Variants in PACRG observed in about 807,000 individuals in gnomAD.
PACRG encodes parkin coregulated gene protein.
PACRG carries 29 observed loss-of-function variants against 29.7 expected under a neutral mutation model. That is an observed-to-expected ratio of 0.98 (90% CI 0.73 to 1.33). The LOEUF (loss-of-function observed/expected upper bound fraction) is 1.33, where lower values mean the gene tolerates loss of function less well. PACRG is among the 40% of genes most tolerant of loss of function. The probability of loss-of-function intolerance (pLI) is 0.00; values close to 1 mark genes in which losing one functional copy is unlikely to be tolerated. For synonymous variants in PACRG, 116 were observed against 118.7 expected, an observed-to-expected ratio of 0.98 and a Z score of 0.15; for missense variants, 279 against 316.2, an observed-to-expected ratio of 0.88 and a Z score of 0.89.
At chr6:163,087,583 G>A (rs935942179) in intron 3 of PACRG, among the ~76,000 whole-genome samples, 1 of 149,634 alleles carries the variant, frequency 6.7e-6, no homozygotes, top group Admixed American at 6.6e-5. Context: ...TGGAGACCAG[G>A]ACCAGGGGAG....
intron 2 of PACRG, among the ~76,000 whole-genome samples, chr6:162,963,912 A>G (rs1800830546): frequency 6.6e-6 from 1 of 152,130 alleles, no homozygotes; most frequent in Non-Finnish European, 1.5e-5. Flanking sequence ...TTCTAGCACT[A>G]TTTTAACCTA....
rs116005890 is a variant in PACRG, at chr6:163,293,259, A to G, written c.614-21568A>G. Among the ~76,000 whole-genome samples, 1,052 of 152,346 alleles carry G rather than the reference A, an allele frequency of 6.9e-3. 15 individuals are homozygous for G. The highest frequency in any genetic ancestry group is 0.025 in the African/African-American group (1,019 of 41,564). On this transcript the variant is annotated intron_variant, in intron 4 of 4. Coordinates refer to ENST00000366888, the MANE Select transcript of PACRG (RefSeq NM_001080379.2). Reference sequence around the variant, plus strand: ...AGCAGTGCCTTAAATCCTTCCTGGCAGGGATGGCAGCATTGCATGCACATG... The same window carrying G: ...AGCAGTGCCTTAAATCCTTCCTGGCGGGGATGGCAGCATTGCATGCACATG...
intron 4 of PACRG, chr6:163,166,236 T>G (rs1340259903): frequency 4.4e-6 from 2 of 455,840 alleles, no homozygotes; most frequent in Non-Finnish European, 8.8e-6. Flanking sequence ...GCTCTCCTCT[T>G]TGACTGTTTT....
rs567525189 is a variant in PACRG, at chr6:162,792,467, A to G, written c.157-21680A>G. 1.2e-4 allele frequency among the ~76,000 whole-genome samples: 18 copies of G among 152,260 alleles called. No homozygotes were observed. The East Asian group carries it at 3.3e-3, about 28-fold the overall frequency. Reference sequence around the variant, plus strand: ...AGTCTGGAATTTTGGAGTGGCTGCAATTATTTGTCAGAAACCTGGCTGGCC... The same window carrying G: ...AGTCTGGAATTTTGGAGTGGCTGCAGTTATTTGTCAGAAACCTGGCTGGCC... On this transcript the variant is annotated intron_variant, in intron 1 of 4. Transcript: ENST00000366888.
At chr6:162,847,544 AG>A (rs1354573760) in intron 2 of PACRG, among the ~76,000 whole-genome samples, 1 of 150,922 alleles carries the variant, frequency 6.6e-6, no homozygotes, top group African/African-American at 2.4e-5. Flanking sequence ...TGAATGGATA[AG>A]GGGCCTCAGT....
intron 2 of PACRG, among the ~76,000 whole-genome samples, chr6:162,912,019 T>C (rs1294213386): frequency 1.3e-5 from 2 of 152,170 alleles, no homozygotes; most frequent in Non-Finnish European, 2.9e-5. Flanking sequence ...CCAAACAAAA[T>C]GGTGGCCAGA....
At chr6:162,825,872 C>T (rs1788227941) in intron 2 of PACRG, among the ~76,000 whole-genome samples, 1 of 152,164 alleles carries the variant, frequency 6.6e-6, no homozygotes, top group Non-Finnish European at 1.5e-5. Flanking sequence ...ATTTGAGTTT[C>T]CCTTTCATTT....
intron 2 of PACRG, among the ~76,000 whole-genome samples, chr6:163,008,610 C>T (rs1350902328): frequency 4.7e-5 from 7 of 149,344 alleles, no homozygotes; most frequent in East Asian, 1.9e-4. Flanking sequence ...TCAAGCCCAA[C>T]GGAAAGCTTT....
chr6:162,764,856 G>C (rs1782657567), intron 1 of PACRG, among the ~76,000 whole-genome samples: 1 of 151,124 alleles, frequency 6.6e-6, no homozygotes, highest in Non-Finnish European at 1.5e-5. Flanking sequence ...CGTTTCTCCT[G>C]CCTCAGCCTC....
At chr6:163,028,249 A>G (rs1807331253) in intron 2 of PACRG, among the ~76,000 whole-genome samples, 1 of 152,192 alleles carries the variant, frequency 6.6e-6, no homozygotes, top group African/African-American at 2.4e-5. Context: ...ATCCTATAAG[A>G]TCATCTGTTA....
intron 4 of PACRG, among the ~76,000 whole-genome samples, chr6:163,249,721 T>C (rs1782830442): frequency 6.6e-6 from 1 of 152,208 alleles, no homozygotes; most frequent in Non-Finnish European, 1.5e-5. Flanking sequence ...GCAGCAGAAG[T>C]TGACTGTGAA....
intron 1 of PACRG, among the ~76,000 whole-genome samples, chr6:162,797,118 A>G (rs1233665470): frequency 6.6e-6 from 1 of 152,198 alleles, no homozygotes; most frequent in Non-Finnish European, 1.5e-5. Flanking sequence ...CTCTACTAAA[A>G]ATACAAAAAT....
chr6:162,906,339 C>T (rs969428043), intron 2 of PACRG, among the ~76,000 whole-genome samples: 1 of 152,152 alleles, frequency 6.6e-6, no homozygotes, highest in African/African-American at 2.4e-5. Flanking sequence ...TAGTATTTGT[C>T]TCTCCTTGTG....
At chr6:162,951,402 T>G (rs901181181) in intron 2 of PACRG, among the ~76,000 whole-genome samples, 11 of 152,294 alleles carry the variant, frequency 7.2e-5, no homozygotes, top group African/African-American at 2.4e-4. Context: ...GCAGGAAGGC[T>G]CTGATTGATT....
chr6:163,138,132 A>G (rs956274177), intron 4 of PACRG, among the ~76,000 whole-genome samples: 2 of 152,238 alleles, frequency 1.3e-5, no homozygotes, highest in Non-Finnish European at 2.9e-5. Flanking sequence ...TCGAGTTACA[A>G]ACCTGTCATC....
intron 1 of PACRG, among the ~76,000 whole-genome samples, chr6:162,758,865 C>A (rs573111090): frequency 1.4e-4 from 22 of 152,122 alleles, no homozygotes; most frequent in African/African-American, 5.3e-4. Flanking sequence ...TTTTGAAAAG[C>A]AGTATACATT....
intron 2 of PACRG, among the ~76,000 whole-genome samples, chr6:163,013,123 CTGTT>C (rs1485422308): frequency 6.6e-6 from 1 of 150,968 alleles, no homozygotes; most frequent in Admixed American, 6.6e-5. Flanking sequence ...TTATGTTTTC[CTGTT>C]TGTTTTTACT....
intron 3 of PACRG, among the ~76,000 whole-genome samples, chr6:163,086,173 T>C (rs1281007196): frequency 2.0e-5 from 3 of 152,220 alleles, no homozygotes; most frequent in African/African-American, 7.2e-5. Flanking sequence ...GTTCTCCTGG[T>C]AACCTGAGCT....
intron 2 of PACRG, among the ~76,000 whole-genome samples, chr6:162,930,081 T>C (rs1204593711): frequency 6.6e-6 from 1 of 151,860 alleles, no homozygotes; most frequent in African/African-American, 2.4e-5. Flanking sequence ...TTTTGGGTCT[T>C]TCATGATTCC....
Sources: allele counts gnomAD v4.1 joint callset (sites outside exome capture counted in the v4.1 genomes callset), GRCh38; gene constraint gnomAD v4.1.1; transcripts MANE v1.5; gene names NCBI Gene and HGNC (gene_info 2026-07-23, HGNC 2026-07-21).